The following KIF15 variants were observed in gnomAD, a reference collection of about 807,000 sequenced individuals.
KIF15 encodes the protein kinesin family member 15.
In KIF15, 140 loss-of-function variants were observed where a neutral mutation model predicts 190.6. The observed-to-expected ratio is 0.73, with a 90% CI of 0.64 to 0.84. The LOEUF is 0.84. KIF15 is among the 40% of genes least tolerant of loss of function. The pLI, the probability that KIF15 is intolerant of heterozygous loss-of-function variation, is 0.00. For synonymous variants in KIF15, 528 were observed against 551.3 expected (o/e 0.96, Z 0.59); for missense variants, 1,372 against 1,584.4 (o/e 0.87, Z 2.28).
Position 44,769,172 on chromosome 3 carries a change from C to A in KIF15, c.20-5223C>A, listed in dbSNP as rs368626537. Among the ~76,000 whole-genome samples, 26 of 152,050 alleles carry A rather than the reference C, an allele frequency of 1.7e-4. No homozygotes were observed. In the East Asian group the frequency reaches 4.6e-3, roughly 27 times the overall value. On this transcript the variant is annotated intron_variant, in intron 1 of 34. Coordinates refer to ENST00000326047, the MANE Select transcript of KIF15 (RefSeq NM_020242.3). ...GTGCTGTAGTAAGGAGACACAATTA[C>A]CTATCTGTGAAGAGAGGACACAAGG...
intron 6 of KIF15, chr3:44,864,108 C>G: frequency 6.4e-7 from 1 of 1,555,590 alleles, no homozygotes; most frequent in Non-Finnish European, 8.8e-7. Context: ...AGCCTGGGTG[C>G]CAGCAACCAC....
chr3:44,830,749 A>T, intron 25 of KIF15, 147 bp from the exon 26 acceptor site: 1 of 764,594 alleles, frequency 1.3e-6, no homozygotes. Flanking sequence ...TCATGCACTT[A>T]TTCTTCTATT....
intron 4 of KIF15, among the ~76,000 whole-genome samples, chr3:44,778,991 A>AC (rs1341215084): frequency 6.6e-6 from 1 of 151,490 alleles, no homozygotes; most frequent in African/African-American, 2.4e-5. Context: ...AAAAAAAAAA[A>AC]AAAAAAAAAA....
intron 6 of KIF15, chr3:44,863,673 AAC>A (rs1699288937): frequency 1.3e-5 from 2 of 158,676 alleles, no homozygotes; most frequent in South Asian, 1.8e-4. Flanking sequence ...CCCAGGACCT[AAC>A]ACAGAGTAAA....
At chr3:44,861,888 C>T (rs576549981) in intron 6 of KIF15, 5 of 1,486,968 alleles carry the variant, frequency 3.4e-6, no homozygotes, top group East Asian at 2.9e-5. Flanking sequence ...CTCTGCCCTG[C>T]GGGCAGCGGG....
intron 30 of KIF15, among the ~76,000 whole-genome samples, 192 bp downstream of exon 30, chr3:44,843,426 G>A (rs1698703833): frequency 6.6e-6 from 1 of 152,068 alleles, no homozygotes; most frequent in Non-Finnish European, 1.5e-5. Flanking sequence ...GTGCGTTTTT[G>A]GCATTGTTGC....
rs748859460 is a variant in KIF15 at position 44,826,038 on chromosome 3, G to A, written c.2550-1G>A. 2.5e-6 allele frequency: 4 copies of A among 1,578,596 alleles called. No individual in the cohort carries two copies. The highest frequency in any genetic ancestry group is 2.1e-5 in the Admixed American group (1 of 48,118). ...ATTTTTAAAATGTTTTCCTTATAAAGGTTAGAAAACGAAAAGCTGCTTGAG... is the reference window on the plus strand; with the variant it reads ...ATTTTTAAAATGTTTTCCTTATAAAAGTTAGAAAACGAAAAGCTGCTTGAG... On this transcript the variant is annotated splice_acceptor_variant, in intron 20 of 34. Transcript: ENST00000326047. LOFTEE classifies it high-confidence loss of function.
intron 20 of KIF15, among the ~76,000 whole-genome samples, 174 bp downstream of exon 20, chr3:44,815,250 C>CTT (rs1707977626): frequency 1.3e-5 from 2 of 152,190 alleles, no homozygotes; most frequent in Admixed American, 6.5e-5. Flanking sequence ...ACAAACTAGT[C>CTT]TGAGTCTCAA....
rs139534847 is a variant in KIF15 at position 44,764,115 on chromosome 3, G to T, written c.19+2231G>T. On this transcript the variant is annotated intron_variant, in intron 1 of 34. Coordinates refer to ENST00000326047, the MANE Select transcript of KIF15 (RefSeq NM_020242.3). ...GACTCTTTAAAAGACTTACTGTTTTGTTGAGGTATAGCTTCATGCAGTTAA... is the reference window on the plus strand; with the variant it reads ...GACTCTTTAAAAGACTTACTGTTTTTTTGAGGTATAGCTTCATGCAGTTAA... 7.0e-3 allele frequency among the ~76,000 whole-genome samples: 1,068 copies of T among 152,290 alleles called. 6 individuals are homozygous for T. Among genetic ancestry groups the T allele is most frequent in the Non-Finnish European group, 0.011 (780 of 68,012 alleles).
At chr3:44,767,524 A>G (rs1575570223) in intron 1 of KIF15, among the ~76,000 whole-genome samples, 7 of 152,338 alleles carry the variant, frequency 4.6e-5, no homozygotes, top group Admixed American at 6.5e-5. Context: ...TCAGGAGCTC[A>G]ATTTTGGACA....
chr3:44,793,346 A>G (rs990535449), intron 7 of KIF15, among the ~76,000 whole-genome samples: 1 of 152,224 alleles, frequency 6.6e-6, no homozygotes, highest in Non-Finnish European at 1.5e-5. Context: ...CCAAAAGCTT[A>G]CAAAACTTTG....
intron 7 of KIF15, among the ~76,000 whole-genome samples, chr3:44,789,273 G>A (rs1334590613): frequency 2.0e-5 from 3 of 151,748 alleles, no homozygotes; most frequent in East Asian, 1.9e-4. Flanking sequence ...TAATTACGGT[G>A]TAGATCCAAA....
At chr3:44,808,428 G>A (rs905497265) in intron 16 of KIF15, among the ~76,000 whole-genome samples, 8 of 152,094 alleles carry the variant, frequency 5.3e-5, no homozygotes, top group African/African-American at 1.7e-4. Flanking sequence ...TCAAGTTAAA[G>A]TTAAAATTCC....
At chr3:44,787,534 C>T (rs7632431) in intron 7 of KIF15, among the ~76,000 whole-genome samples, 9,781 of 152,088 alleles carry the variant, frequency 0.064, 923 homozygotes, top group African/African-American at 0.2. Context: ...AGACTCCCCC[C>T]GGCGAGAGAT....
intron 10 of KIF15, among the ~76,000 whole-genome samples, chr3:44,798,376 A>T (rs1428273162): frequency 2.1e-5 from 3 of 143,226 alleles, no homozygotes; most frequent in Non-Finnish European, 4.6e-5. Context: ...TTATTTATTT[A>T]TTTTTTTGAG....
intron 7 of KIF15, among the ~76,000 whole-genome samples, chr3:44,788,426 C>T (rs892916638): frequency 2.0e-5 from 3 of 151,794 alleles, no homozygotes; most frequent in Admixed American, 1.3e-4. Flanking sequence ...TCTGTAATTT[C>T]CTTTGTCCTA....
At chr3:44,830,552 A>G (rs1181910879) in intron 25 of KIF15, among the ~76,000 whole-genome samples, 1 of 152,216 alleles carries the variant, frequency 6.6e-6, no homozygotes, top group Non-Finnish European at 1.5e-5. Context: ...TTTTGTCAGC[A>G]TGTATCTGAG....
rs139692422 is a variant in KIF15, at chr3:44,834,121, T to C, written c.3171+3103T>C. 3.9e-3 allele frequency among the ~76,000 whole-genome samples: 595 copies of C among 152,360 alleles called. 6 individuals are homozygous for C. Among genetic ancestry groups the C allele is most frequent in the African/African-American group, 0.013 (550 of 41,582 alleles). On this transcript the variant is annotated intron_variant, in intron 26 of 34. Transcript: ENST00000326047. ...AATATCGTATTTTAGATTCATACAT[T>C]TTAGATTCAAGTGGAATTGACCCTA...
intron 24 of KIF15, among the ~76,000 whole-genome samples, chr3:44,829,458 TAA>T: frequency 7.3e-6 from 1 of 136,504 alleles, no homozygotes; most frequent in Non-Finnish European, 1.5e-5. Flanking sequence ...TACGCATATA[TAA>T]TATATATGTA....
Sources: allele counts gnomAD v4.1 joint callset (sites outside exome capture counted in the v4.1 genomes callset), GRCh38; gene constraint gnomAD v4.1.1; transcripts MANE v1.5; gene names NCBI Gene and HGNC (gene_info 2026-07-23, HGNC 2026-07-21).